The following WASHC2A variants were observed in gnomAD, a reference collection of about 807,000 sequenced individuals.
WASHC2A encodes the protein WASH complex subunit 2A.
A neutral mutation model predicts 140.3 loss-of-function variants in WASHC2A; 82 were observed. That is an observed-to-expected ratio of 0.58 (90% CI 0.49 to 0.70). The LOEUF (loss-of-function observed/expected upper bound fraction) is 0.70, where lower values mean the gene tolerates loss of function less well. WASHC2A is among the 30% of genes least tolerant of loss of function. WASHC2A has a pLI of 0.00. For synonymous variants in WASHC2A, 340 were observed against 560.8 expected (o/e 0.61, Z 5.56); for missense variants, 985 against 1,521.8 (o/e 0.65, Z 5.87).
chr10:50,092,539 C>A (rs1208715138), intron 11 of WASHC2A, among the ~76,000 whole-genome samples: 4,429 of 151,538 alleles, frequency 0.029, 71 homozygotes, highest in African/African-American at 0.04. Flanking sequence ...TGCCTGTTGT[C>A]CCAGCTACTT....
At position 50,103,196 on chromosome 10, in the gene WASHC2A, C is replaced by T. The variant is rs1231474750; in HGVS notation, c.1636-846C>T. ...CAGGTCTTATCCTGGTTTGCAATGT[C>T]ATATACCTATAGTTAAGCTAAGTAG... is the stretch of plus-strand genomic sequence containing the variant. On this transcript the variant is annotated intron_variant, in intron 17 of 30. Transcript: ENST00000282633. Among the ~76,000 whole-genome samples, 4 of 151,872 alleles carry T rather than the reference C, an allele frequency of 2.6e-5. No individual in the cohort carries two copies. The East Asian group carries it at 5.8e-4, about 22-fold the overall frequency.
intron 8 of WASHC2A, among the ~76,000 whole-genome samples, chr10:50,088,148 C>T (rs1473571956): frequency 2.6e-5 from 4 of 151,232 alleles, no homozygotes; most frequent in African/African-American, 7.3e-5. Flanking sequence ...TTGCAGTTTG[C>T]GTTGTAAACT....
chr10:50,094,660 C>G (rs1219497642), intron 13 of WASHC2A, among the ~76,000 whole-genome samples: 1 of 151,990 alleles, frequency 6.6e-6, no homozygotes, highest in Non-Finnish European at 1.5e-5. Context: ...TAGCCTGGCT[C>G]TCCTCTGCTT....
At chr10:50,088,549 C>A in intron 8 of WASHC2A, among the ~76,000 whole-genome samples, 1 of 151,536 alleles carries the variant, frequency 6.6e-6, no homozygotes, top group Admixed American at 6.6e-5. Flanking sequence ...TATGAGCCAC[C>A]ACGCCCAGCC....
intron 3 of WASHC2A, among the ~76,000 whole-genome samples, chr10:50,072,427 T>A (rs2805123): frequency 1.3e-4 from 20 of 151,364 alleles, no homozygotes; most frequent in Non-Finnish European, 2.5e-4. Context: ...CAGCTAATGC[T>A]TAATAAAACT....
Position 50,091,505 on chromosome 10 carries a change from C to T in WASHC2A, c.918C>T (p.Asp306=), listed in dbSNP as rs1459517996. Residue 306 remains aspartate, a synonymous_variant, in exon 10 of 31, where the codon GAC becomes GAT. Transcript: ENST00000282633. Reference sequence around the variant, plus strand: ...AGGGGGATGCCGTGGGTCGAGTGGACGAGGAGCCGACAAGTGAGCCCCAGC... The same window carrying T: ...AGGGGGATGCCGTGGGTCGAGTGGATGAGGAGCCGACAAGTGAGCCCCAGC... ...RIKGDAVGRV[D]EEPTTLPSGE... is the part of the protein sequence containing the mutation. The T allele has an allele frequency of 2.8e-5, 43 of 1,549,708 alleles. No individual in the cohort carries two copies. Among genetic ancestry groups the T allele is most frequent in the East Asian group, 7.3e-5 (3 of 41,032 alleles).
intron 3 of WASHC2A, among the ~76,000 whole-genome samples, chr10:50,076,994 G>C (rs1373486666): frequency 1.3e-5 from 2 of 151,838 alleles, no homozygotes; most frequent in African/African-American, 4.9e-5. Flanking sequence ...GCAGGCACCT[G>C]TAGTCCCAGC....
intron 2 of WASHC2A, 46 bp from the exon 3 acceptor site, chr10:50,069,501 G>C (rs1485239483): frequency 6.3e-7 from 1 of 1,579,630 alleles, no homozygotes; most frequent in East Asian, 2.3e-5. Context: ...ATGCAGAATA[G>C]TTACATGTAA....
chr10:50,105,975 G>C (rs1589239016), intron 18 of WASHC2A, among the ~76,000 whole-genome samples: 1 of 152,132 alleles, frequency 6.6e-6, no homozygotes, highest in Non-Finnish European at 1.5e-5. Context: ...GCTGCTGCGG[G>C]GGCTCCCGTG....
chr10:50,120,131 T>C (rs1363138050), intron 23 of WASHC2A, among the ~76,000 whole-genome samples: 1 of 144,300 alleles, frequency 6.9e-6, no homozygotes, highest in African/African-American at 2.7e-5. Context: ...AAAAGTGTTG[T>C]AGATGAACCT....
chr10:50,097,902 A>T (rs1384008477), intron 16 of WASHC2A, 100 bp downstream of exon 16: 1 of 1,576,172 alleles, frequency 6.3e-7, no homozygotes, highest in Admixed American at 1.9e-5. Flanking sequence ...TCACGTTCAT[A>T]TTGAAGAACT....
At chr10:50,070,482 G>A (rs546241508) in intron 3 of WASHC2A, among the ~76,000 whole-genome samples, 2 of 152,318 alleles carry the variant, frequency 1.3e-5, no homozygotes, top group South Asian at 4.1e-4. Context: ...TCCTGAGATT[G>A]TTAGATATAA....
intron 15 of WASHC2A, among the ~76,000 whole-genome samples, chr10:50,097,343 G>C (rs1554885018): frequency 6.6e-6 from 1 of 151,378 alleles, no homozygotes; most frequent in Non-Finnish European, 1.5e-5. Flanking sequence ...TGATTGACTT[G>C]GTGGCCCTCT....
chr10:50,076,883 T>C (rs4935437), intron 3 of WASHC2A, among the ~76,000 whole-genome samples: 126,926 of 147,296 alleles, frequency 0.86, 54,855 homozygotes, highest in East Asian at 1. Context: ...TTTGGGAGGC[T>C]GAGGTGGGCG....
rs1362038063 is a variant in WASHC2A at position 50,069,977 on chromosome 10, G to A, written c.291+266G>A. On this transcript the variant is annotated intron_variant, in intron 3 of 30. Coordinates refer to ENST00000282633, the MANE Select transcript of WASHC2A (RefSeq NM_001005751.3). The stretch of plus-strand genomic sequence containing the variant: ...CGTTTTGAGAGTAGTCAGCAATTGT[G>A]CTGAATTTTGTGGCACTCACACTGC... 7.9e-5 allele frequency among the ~76,000 whole-genome samples: 12 copies of A among 152,286 alleles called. 1 individual carries two copies. Among genetic ancestry groups the A allele is most frequent in the Admixed American group, 7.2e-4 (11 of 15,308 alleles).
chr10:50,101,027 G>T (rs1355497377), intron 17 of WASHC2A, among the ~76,000 whole-genome samples: 1 of 152,308 alleles, frequency 6.6e-6, no homozygotes, highest in Non-Finnish European at 1.5e-5. Flanking sequence ...AGAAACTGTG[G>T]GCTCTAGATT....
intron 23 of WASHC2A, among the ~76,000 whole-genome samples, chr10:50,121,182 T>C (rs1842987888): frequency 6.7e-6 from 1 of 150,154 alleles, no homozygotes; most frequent in African/African-American, 2.5e-5. Context: ...GCATTCAGAT[T>C]GGAAAGGAAA....
At chr10:50,083,748 G>A (rs1839142724) in intron 5 of WASHC2A, among the ~76,000 whole-genome samples, 1 of 114,518 alleles carries the variant, frequency 8.7e-6, no homozygotes, top group African/African-American at 3.7e-5. Context: ...TAGTAGAGAC[G>A]GGGTTTCACC....
chr10:50,112,914 G>C (rs1458656140), intron 20 of WASHC2A, among the ~76,000 whole-genome samples: 2 of 149,556 alleles, frequency 1.3e-5, no homozygotes, highest in African/African-American at 4.9e-5. Context: ...GGAGAGTGAT[G>C]GCTCATAGGC....
Sources: allele counts gnomAD v4.1 joint callset (sites outside exome capture counted in the v4.1 genomes callset), GRCh38; gene constraint gnomAD v4.1.1; transcripts MANE v1.5; gene names NCBI Gene and HGNC (gene_info 2026-07-23, HGNC 2026-07-21).